Variants in POLR2F observed in about 807,000 individuals in gnomAD.
The protein encoded by POLR2F is RNA polymerase II, I and III subunit F, also known as DNA-directed RNA polymerases I, II, and III subunit RPABC2.
A neutral mutation model predicts 22.7 loss-of-function variants in POLR2F; 12 were observed. The observed-to-expected ratio is 0.53, with a 90% CI of 0.34 to 0.86. POLR2F has a LOEUF of 0.86. POLR2F is among the 40% of genes least tolerant of loss of function. The pLI is 0.02. For synonymous variants in POLR2F, 57 were observed against 66.0 expected, an observed-to-expected ratio of 0.86 and a Z score of 0.66; for missense variants, 126 against 171.5, an observed-to-expected ratio of 0.73 and a Z score of 1.48.
At chr22:37,959,526 G>A in intron 3 of POLR2F, 50 bp downstream of exon 3, 1 of 1,588,386 alleles carries the variant, frequency 6.3e-7, no homozygotes, top group Non-Finnish European at 8.6e-7. Context: ...GCCACAGTAA[G>A]CTCTTGTACC....
intron 3 of POLR2F, among the ~76,000 whole-genome samples, chr22:37,961,762 CT>C (rs1178507353): frequency 6.6e-6 from 1 of 152,072 alleles, no homozygotes; most frequent in Admixed American, 6.6e-5. Flanking sequence ...GTTCCTCCTC[CT>C]TTCTTTTGAG....
chr22:38,009,579 A>G (rs1430488758), intron 1 of POLR2F, among the ~76,000 whole-genome samples: 2 of 152,238 alleles, frequency 1.3e-5, no homozygotes, highest in Non-Finnish European at 2.9e-5. Flanking sequence ...GTTTTGACAC[A>G]TGTATGCATC....
In POLR2F at chr22:38,034,380, G is replaced by A. The variant is rs996275560; in HGVS notation, c.453-6688G>A. ...CCACTCCTGGCTTCAGAATCTGCTC[G>A]GCCACTTCCTGGCCACGTGGCGGCA... On this transcript the variant is annotated intron_variant, in intron 5 of 5. Coordinates refer to the POLR2F transcript ENST00000407936. 1.3e-5 allele frequency among the ~76,000 whole-genome samples: 2 copies of A among 152,292 alleles called. 1 individual carries two copies. Among genetic ancestry groups the A allele is most frequent in the Middle Eastern group, 6.8e-3 (2 of 294 alleles).
intron 5 of POLR2F, among the ~76,000 whole-genome samples, chr22:38,033,543 C>G (rs2145833043): frequency 6.6e-6 from 1 of 152,324 alleles, no homozygotes; most frequent in Admixed American, 6.5e-5. Flanking sequence ...CCAGTGCCCA[C>G]AGAGCCTCGC....
At chr22:38,041,485 G>A (rs751651989), downstream of POLR2F, 69 of 274,470 alleles carry the variant, frequency 2.5e-4, no homozygotes, top group African/African-American at 1.0e-3. Context: ...TCCAGCCCCC[G>A]GACACCTAGC....
At chr22:37,964,112 A>T (rs537454797) in intron 3 of POLR2F, among the ~76,000 whole-genome samples, 5,553 of 146,592 alleles carry the variant, frequency 0.038, 329 homozygotes, top group African/African-American at 0.13. Context: ...AAAATAATTA[A>T]AAAAAAAAAA....
intron 3 of POLR2F, among the ~76,000 whole-genome samples, chr22:37,960,239 T>C (rs1393712257): frequency 6.6e-6 from 1 of 151,410 alleles, no homozygotes; most frequent in East Asian, 1.9e-4. Flanking sequence ...TTTTTTTTTT[T>C]TTTTGACAGA....
downstream of POLR2F, among the ~76,000 whole-genome samples, chr22:38,031,041 A>G (rs1159594885): frequency 6.6e-6 from 1 of 151,950 alleles, no homozygotes; most frequent in Non-Finnish European, 1.5e-5. The surrounding 1 kb of genome is among the most constrained non-coding windows in gnomAD (Gnocchi z 4.1). Context: ...CCAGCACTTC[A>G]GACCCTGCCA....
chr22:37,973,795 TG>T, downstream of POLR2F: 2 of 1,595,718 alleles, frequency 1.3e-6, no homozygotes, highest in Non-Finnish European at 1.7e-6. Flanking sequence ...CGGTGTAGTG[TG>T]GGGGCCCCTG....
chr22:37,966,325 CA>C (rs1292163199), intron 3 of POLR2F, among the ~76,000 whole-genome samples: 1 of 151,440 alleles, frequency 6.6e-6, no homozygotes, highest in African/African-American at 2.4e-5. Flanking sequence ...GCTAGGAAGG[CA>C]AACAGGGACC....
chr22:38,033,829 C>T lies in POLR2F; in HGVS notation c.453-7239C>T, dbSNP rs145872473. On this transcript the variant is annotated intron_variant, in intron 5 of 5. Transcript: ENST00000407936. ...GACGACAGTGCCCGTGGAAGGGCCT[C>T]GAGGCTTCTGTCCTGTGCTCGCTGG... is the stretch of plus-strand genomic sequence containing the variant. Among the ~76,000 whole-genome samples, 840 of 152,246 alleles carry T rather than the reference C, an allele frequency of 5.5e-3. 2 individuals carry two copies. Among genetic ancestry groups the T allele is most frequent in the Middle Eastern group, 0.031 (9 of 294 alleles).
intron 3 of POLR2F, among the ~76,000 whole-genome samples, chr22:37,962,812 T>C (rs1305865263): frequency 2.0e-5 from 3 of 151,940 alleles, no homozygotes; most frequent in African/African-American, 7.3e-5. Flanking sequence ...TGCCTCAGCC[T>C]TCCCAGTAGC....
intron 1 of POLR2F, among the ~76,000 whole-genome samples, chr22:37,956,361 C>G (rs966206747): frequency 6.6e-6 from 1 of 151,920 alleles, no homozygotes. Context: ...CAGGCTTAAT[C>G]CCAGAGCCAC....
upstream of POLR2F, chr22:37,986,024 C>A: frequency 2.9e-6 from 4 of 1,374,726 alleles, no homozygotes; most frequent in African/African-American, 2.9e-5. The surrounding 1 kb of genome is among the most constrained non-coding windows in gnomAD (Gnocchi z 4.7). Flanking sequence ...CTCCTCCCCC[C>A]GCCTCCCTTC....
chr22:37,989,160 G>T (rs1300450826), intron 1 of POLR2F, among the ~76,000 whole-genome samples: 1 of 152,094 alleles, frequency 6.6e-6, no homozygotes, highest in Non-Finnish European at 1.5e-5. Flanking sequence ...GTACCCAAGG[G>T]GCCTTAGGCA....
At chr22:38,010,943 G>A (rs965240818) in intron 1 of POLR2F, among the ~76,000 whole-genome samples, 6 of 151,942 alleles carry the variant, frequency 3.9e-5, no homozygotes, top group Non-Finnish European at 7.4e-5. Flanking sequence ...AAGAGCGAAA[G>A]TTTTGAATTT....
chr22:37,986,019 C>T, upstream of POLR2F: 2 of 1,339,966 alleles, frequency 1.5e-6, no homozygotes, highest in Non-Finnish European at 1.9e-6. This position sits in a 1 kb window ranked among gnomAD's most constrained non-coding sequence, Gnocchi z 4.7. Context: ...CAACCCTCCT[C>T]CCCCCGCCTC....
intron 1 of POLR2F, among the ~76,000 whole-genome samples, chr22:38,002,717 A>C (rs969942251): frequency 6.6e-6 from 1 of 151,958 alleles, no homozygotes; most frequent in African/African-American, 2.4e-5. Context: ...AAATGGCCTG[A>C]TGGTGACTTT....
downstream of POLR2F, chr22:38,041,645 G>A (rs533730768): frequency 6.5e-6 from 1 of 152,900 alleles, no homozygotes; most frequent in Non-Finnish European, 1.5e-5. Context: ...TGGGGAAACT[G>A]AGGCAAGAGA....
Sources: gnomAD v4.1 joint callset for allele counts (sites outside exome capture counted in the v4.1 genomes callset) on GRCh38, gnomAD v4.1.1 for gene constraint, Gnocchi (gnomAD v3.1) non-coding constraint, MANE v1.5 for transcripts, NCBI Gene and HGNC (gene_info 2026-07-23, HGNC 2026-07-21) for gene names.